IQGAP2: variants seen among roughly 807,000 people sequenced by gnomAD.
IQGAP2 encodes ras GTPase-activating-like protein IQGAP2.
Under a neutral mutation model 201.3 loss-of-function variants are expected in IQGAP2, and 173 were observed. The observed-to-expected ratio is 0.86, with a 90% CI of 0.76 to 0.98. The LOEUF (loss-of-function observed/expected upper bound fraction) is 0.98. IQGAP2 is among the 50% of genes least tolerant of loss of function. IQGAP2 has a pLI of 0.00. For synonymous variants in IQGAP2, 675 were observed against 673.9 expected, an observed-to-expected ratio of 1.00 and a Z score of -0.03; for missense variants, 1,687 against 1,864.8, an observed-to-expected ratio of 0.90 and a Z score of 1.76.
At chr5:76,471,695 T>G (rs1755119620) in intron 2 of IQGAP2, among the ~76,000 whole-genome samples, 1 of 116,090 alleles carries the variant, frequency 8.6e-6, no homozygotes, top group Non-Finnish European at 1.9e-5. Flanking sequence ...ACAGTCAATA[T>G]TCATGATTAG....
At chr5:76,626,635 G>A (rs762798217) in intron 13 of IQGAP2, among the ~76,000 whole-genome samples, 1 of 152,020 alleles carries the variant, frequency 6.6e-6, no homozygotes, top group Non-Finnish European at 1.5e-5. Context: ...TCACCATGTT[G>A]TTGTTTGTTT....
At chr5:76,608,918 G>A (rs966360074) in intron 12 of IQGAP2, 13 of 553,016 alleles carry the variant, frequency 2.4e-5, no homozygotes, top group Non-Finnish European at 4.1e-5. Context: ...TTGTGGACTA[G>A]AATGTTATAG....
rs532225674 is a variant in IQGAP2 at position 76,448,253 on chromosome 5, A to G, written c.47-13317A>G. Among the ~76,000 whole-genome samples the G allele has an allele frequency of 3.3e-5, 5 of 152,288 alleles. No individual in the cohort carries two copies. The South Asian group carries it at 1.0e-3, about 32-fold the overall frequency. On this transcript the variant is annotated intron_variant, in intron 1 of 35. Coordinates refer to ENST00000274364, the MANE Select transcript of IQGAP2 (RefSeq NM_006633.5). ...GTGGGTTAAATGCTGTGCAATGAAG[A>G]GGAGCTGGTGCTGGCTTTGTCTGTG...
chr5:76,466,614 CT>C (rs911355132), intron 2 of IQGAP2, among the ~76,000 whole-genome samples: 13 of 152,162 alleles, frequency 8.5e-5, no homozygotes, highest in African/African-American at 3.1e-4. Context: ...AGAAGATGCC[CT>C]TTTCAACAGA....
chr5:76,541,852 G>T (rs904884851), intron 2 of IQGAP2, among the ~76,000 whole-genome samples: 1 of 152,154 alleles, frequency 6.6e-6, no homozygotes, highest in African/African-American at 2.4e-5. Context: ...GCTTTCCCCC[G>T]CTATAAACTC....
At chr5:76,461,211 TA>T (rs1441309636) in intron 1 of IQGAP2, among the ~76,000 whole-genome samples, 1 of 151,206 alleles carries the variant, frequency 6.6e-6, no homozygotes, top group South Asian at 2.1e-4. Flanking sequence ...ACTGTAAAAA[TA>T]AAAAAACTAG....
chr5:76,459,186 C>T (rs550752790), intron 1 of IQGAP2, among the ~76,000 whole-genome samples: 1 of 152,146 alleles, frequency 6.6e-6, no homozygotes, highest in Non-Finnish European at 1.5e-5. Context: ...AGTTTGGGAG[C>T]CCCTCAGCAG....
At chr5:76,616,150 A>G (rs1250955310) in intron 13 of IQGAP2, 1 of 152,478 alleles carries the variant, frequency 6.6e-6, no homozygotes, top group African/African-American at 2.4e-5. Context: ...ATATAAATGA[A>G]CTATATATAA....
chr5:76,707,132 T>G (rs1747975438), intron 35 of IQGAP2, 68 bp from the exon 36 acceptor site: 1 of 801,450 alleles, frequency 1.2e-6, no homozygotes, highest in Non-Finnish European at 2.2e-6. Flanking sequence ...CAACAAATTC[T>G]TCTAATATGT....
At chr5:76,543,175 A>G (rs1476475427) in intron 2 of IQGAP2, among the ~76,000 whole-genome samples, 2 of 152,146 alleles carry the variant, frequency 1.3e-5, no homozygotes, top group Admixed American at 6.5e-5. Context: ...ACACCCTCGC[A>G]GCATGATTTG....
chr5:76,556,893 G>C (rs933802336), intron 2 of IQGAP2, among the ~76,000 whole-genome samples: 1 of 152,132 alleles, frequency 6.6e-6, no homozygotes, highest in Non-Finnish European at 1.5e-5. Context: ...CCTATATCTT[G>C]CCTCTGCCCT....
intron 21 of IQGAP2, among the ~76,000 whole-genome samples, 175 bp downstream of exon 21, chr5:76,658,842 T>C (rs955302133): frequency 6.6e-6 from 1 of 152,186 alleles, no homozygotes; most frequent in Non-Finnish European, 1.5e-5. Context: ...CTACTACACA[T>C]CTAGGCTATA....
At chr5:76,444,446 C>T (rs1360398603) in intron 1 of IQGAP2, among the ~76,000 whole-genome samples, 1 of 152,026 alleles carries the variant, frequency 6.6e-6, no homozygotes, top group Admixed American at 6.6e-5. Flanking sequence ...TTACAGGTGC[C>T]CACTACCACA....
intron 3 of IQGAP2, among the ~76,000 whole-genome samples, chr5:76,563,809 G>A (rs1176565330): frequency 1.3e-5 from 2 of 152,090 alleles, no homozygotes; most frequent in East Asian, 1.9e-4. Flanking sequence ...TAGGGAATAT[G>A]TTGCATATAG....
At chr5:76,665,689 T>C (rs1022072496) in intron 22 of IQGAP2, among the ~76,000 whole-genome samples, 3 of 152,242 alleles carry the variant, frequency 2.0e-5, no homozygotes, top group African/African-American at 7.2e-5. Flanking sequence ...CTTGTATTAT[T>C]TTCATGGCAT....
intron 8 of IQGAP2, among the ~76,000 whole-genome samples, chr5:76,591,212 T>C (rs538734990): frequency 6.6e-6 from 1 of 152,224 alleles, no homozygotes; most frequent in Non-Finnish European, 1.5e-5. Context: ...TGATCATCCC[T>C]TGTTAGACAT....
chr5:76,573,651 G>A (rs1180257518), intron 4 of IQGAP2, among the ~76,000 whole-genome samples: 5 of 149,232 alleles, frequency 3.4e-5, no homozygotes, highest in South Asian at 2.1e-4. Context: ...TCGCTCTGTC[G>A]CCCAGGCTGG....
At chr5:76,681,418 A>G (rs1745281374) in intron 28 of IQGAP2, among the ~76,000 whole-genome samples, 1 of 152,128 alleles carries the variant, frequency 6.6e-6, no homozygotes, top group Admixed American at 6.5e-5. Context: ...ACTTTAACAG[A>G]TGTTTTTCCA....
At chr5:76,431,906 G>A (rs13183341) in intron 1 of IQGAP2, among the ~76,000 whole-genome samples, 38,764 of 151,358 alleles carry the variant, frequency 0.26, 6,560 homozygotes, top group Non-Finnish European at 0.36. Context: ...GCAGTTCCTG[G>A]AATGTGTGGT....
Sources: gnomAD v4.1 joint callset for allele counts (sites outside exome capture counted in the v4.1 genomes callset) on GRCh38, gnomAD v4.1.1 for gene constraint, MANE v1.5 for transcripts, NCBI Gene and HGNC (gene_info 2026-07-23, HGNC 2026-07-21) for gene names.